SERPING1: variants seen among roughly 807,000 people sequenced by gnomAD.
SERPING1 encodes serpin family G member 1, also known as plasma protease C1 inhibitor.
In SERPING1, 5 loss-of-function variants were observed where a neutral mutation model predicts 34.1. The ratio of observed to expected loss-of-function variants is 0.15; its 90% CI spans 0.08 to 0.31. The LOEUF (loss-of-function observed/expected upper bound fraction) is 0.31, where lower values mean the gene tolerates loss of function less well. Ranked by LOEUF, SERPING1 falls within the 10% of genes least tolerant of loss-of-function variation. SERPING1 has a pLI of 1.00. For missense variants in SERPING1, 505 were observed against 609.5 expected (o/e 0.83, Z 1.81); for synonymous variants, 225 against 242.4 (o/e 0.93, Z 0.67).
In SERPING1 at chr11:57,606,207, C is replaced by G; in HGVS notation, c.883C>G (p.Leu295Val). ...TRLVLLNAIY[L>V]SAKWKTTFDP... ...CCTTGTCCTCCTCAATGCTATCTAC[C>G]TGAGTGGTAAGGGTGCCCTTAGCCA... The change falls in exon 5 of 8, where the codon CTG becomes GTG. Residue 295 changes from leucine to valine, a missense_variant. Coordinates refer to ENST00000278407, the MANE Select transcript of SERPING1 (RefSeq NM_000062.3). 1 of 1,614,200 alleles carries G rather than the reference C, an allele frequency of 6.2e-7. No individual in the cohort carries two copies. The highest frequency in any genetic ancestry group is 8.5e-7 in the Non-Finnish European group (1 of 1,180,018).
chr11:57,603,105 C>T (rs1224115184), intron 4 of SERPING1, among the ~76,000 whole-genome samples: 2 of 151,874 alleles, frequency 1.3e-5, no homozygotes, highest in Non-Finnish European at 2.9e-5. Flanking sequence ...TGGTGGCAGG[C>T]GCCTATAATC....
intron 4 of SERPING1, among the ~76,000 whole-genome samples, chr11:57,602,623 C>T (rs551006148): frequency 4.0e-5 from 6 of 151,658 alleles, no homozygotes; most frequent in East Asian, 1.9e-4. Flanking sequence ...GGCATGGTGG[C>T]GGGCACCTGT....
intron 2 of SERPING1, among the ~76,000 whole-genome samples, chr11:57,599,140 T>C (rs763364524): frequency 6.6e-6 from 1 of 152,160 alleles, no homozygotes; most frequent in African/African-American, 2.4e-5. Flanking sequence ...GGAGGATCTG[T>C]TGACATTGGG....
chr11:57,614,694 C>T lies in SERPING1; in HGVS notation c.*113C>T, dbSNP rs905046736. ...CCTGCCACCTCCTGCCTCAGGTGTCCGCTATCCACCAAAAGGGCTCCCTGA... is the reference window on the plus strand; with the variant it reads ...CCTGCCACCTCCTGCCTCAGGTGTCTGCTATCCACCAAAAGGGCTCCCTGA... On this transcript the variant is annotated 3_prime_UTR_variant, in exon 8 of 8. Transcript: ENST00000278407. 1.5e-5 allele frequency: 19 copies of T among 1,283,328 alleles called. No homozygotes were observed. In the African/African-American group the frequency reaches 1.6e-4, roughly 11 times the overall value. The allele number at this position is 1,283,328 out of a possible 1,614,324, so 79.5% of individuals were successfully genotyped here. A position where few individuals can be genotyped will look rare whatever the true frequency, so the allele number is the denominator to read the frequency against.
At chr11:57,598,395 C>A in intron 2 of SERPING1, 74 bp downstream of exon 2, 1 of 1,446,786 alleles carries the variant, frequency 6.9e-7, no homozygotes, top group Non-Finnish European at 9.4e-7. Context: ...CGGGCGGTGG[C>A]TGAGGATTAA....
At chr11:57,605,972 T>C in intron 4 of SERPING1, 38 bp from the exon 5 acceptor site, 1 of 1,577,726 alleles carries the variant, frequency 6.3e-7, no homozygotes, top group Non-Finnish European at 8.7e-7. Flanking sequence ...GAACGACGTG[T>C]TCAGGACTCA....
chr11:57,610,608 A>G (rs1001100902), intron 6 of SERPING1, among the ~76,000 whole-genome samples: 6 of 152,210 alleles, frequency 3.9e-5, no homozygotes, highest in Non-Finnish European at 5.9e-5. Flanking sequence ...TTCAGCCTCA[A>G]TCATAATACC....
intron 6 of SERPING1, 140 bp downstream of exon 6, chr11:57,606,687 C>A: frequency 1.1e-6 from 1 of 920,026 alleles, no homozygotes; most frequent in Non-Finnish European, 1.8e-6. Flanking sequence ...TCCACCCTAT[C>A]TTTTCTCCTT....
At chr11:57,599,856 A>C (rs1296555903) in intron 2 of SERPING1, 23 bp from the exon 3 acceptor site, 1 of 1,614,052 alleles carries the variant, frequency 6.2e-7, no homozygotes, top group Non-Finnish European at 8.5e-7. Flanking sequence ...GAAAAAAATG[A>C]AACTCAGTTT....
intron 6 of SERPING1, among the ~76,000 whole-genome samples, chr11:57,611,020 C>T (rs1363030583): frequency 6.6e-6 from 1 of 152,018 alleles, no homozygotes; most frequent in Admixed American, 6.6e-5. Flanking sequence ...CTGCAGCCTC[C>T]ACCTCCCGGG....
chr11:57,597,897 G>A (rs1945305169), intron 1 of SERPING1, 175 bp downstream of exon 1: 1 of 250,370 alleles, frequency 4.0e-6, no homozygotes. Context: ...TCCCGCCTCA[G>A]GCCTGTTGTG....
intron 6 of SERPING1, among the ~76,000 whole-genome samples, chr11:57,610,684 G>A (rs1945467836): frequency 6.6e-6 from 1 of 151,932 alleles, no homozygotes; most frequent in Admixed American, 6.6e-5. Flanking sequence ...TGACATATTG[G>A]GTCAGATAAT....
At chr11:57,612,059 C>T (rs1945483926) in intron 7 of SERPING1, 123 bp downstream of exon 7, 2 of 862,982 alleles carry the variant, frequency 2.3e-6, no homozygotes, top group South Asian at 1.4e-5. Context: ...TCCTGCAACC[C>T]TGCAAGTTAG....
intron 4 of SERPING1, among the ~76,000 whole-genome samples, chr11:57,602,911 C>G (rs1460742714): frequency 6.7e-6 from 1 of 148,254 alleles, no homozygotes; most frequent in African/African-American, 2.5e-5. Flanking sequence ...GGCAGCATGG[C>G]GAAACCTGTC....
At position 57,614,627 on chromosome 11, in the gene SERPING1, G is replaced by T; in HGVS notation, c.*46G>T. 6.3e-7 allele frequency: 1 copy of T among 1,598,220 alleles called. No homozygotes were observed. Among genetic ancestry groups the T allele is most frequent in the Admixed American group, 1.7e-5 (1 of 58,972 alleles). On this transcript the variant is annotated 3_prime_UTR_variant, in exon 8 of 8. Coordinates refer to ENST00000278407, the MANE Select transcript of SERPING1 (RefSeq NM_000062.3). ...GGCGAGCGCTACCTCTCCAGCCTCA[G>T]CTCTCAGTTGCAGCCCTGCTGCTGC... is the stretch of plus-strand genomic sequence containing the variant.
At chr11:57,613,673 TAGG>T (rs1945505224) in intron 7 of SERPING1, among the ~76,000 whole-genome samples, 1 of 152,284 alleles carries the variant, frequency 6.6e-6, no homozygotes, top group East Asian at 1.9e-4. Context: ...CCCTGTACTT[TAGG>T]AGAAGTCATC....
In SERPING1 at chr11:57,606,239, C is replaced by T. The variant is rs754829932; in HGVS notation, c.889+26C>T. On this transcript the variant is annotated intron_variant, in intron 5 of 7. Transcript: ENST00000278407. ...GTAAGGGTGCCCTTAGCCAGTTAGT[C>T]TTCCCATTCTGGGTCCTTCTTCCCC... 23 of 1,613,098 alleles carry T rather than the reference C, an allele frequency of 1.4e-5. No individual in the cohort carries two copies. The East Asian group carries it at 4.9e-4, about 34-fold the overall frequency.
chr11:57,601,935 A>C, intron 3 of SERPING1, 100 bp from the exon 4 acceptor site: 3 of 1,255,280 alleles, frequency 2.4e-6, no homozygotes. Flanking sequence ...CCTCCAAAGC[A>C]GGGAATACCC....
chr11:57,598,809 C>T (rs940730624), intron 2 of SERPING1, among the ~76,000 whole-genome samples: 1 of 151,894 alleles, frequency 6.6e-6, no homozygotes, highest in Non-Finnish European at 1.5e-5. Flanking sequence ...AGCAAACATA[C>T]GTGGGTCTGG....
Sources: gnomAD v4.1 joint callset for allele counts (sites outside exome capture counted in the v4.1 genomes callset) on GRCh38, gnomAD v4.1.1 for gene constraint, MANE v1.5 for transcripts, NCBI Gene and HGNC (gene_info 2026-07-23, HGNC 2026-07-21) for gene names.